RERG: variants seen among roughly 807,000 people sequenced by gnomAD.
RERG encodes the protein RAS like estrogen regulated growth inhibitor.
RERG carries 25 observed loss-of-function variants against 23.2 expected under a neutral mutation model. The ratio of observed to expected loss-of-function variants is 1.08; its 90% CI spans 0.79 to 1.50. The LOEUF is 1.50. Among genes scored for constraint, RERG ranks in the 40% most tolerant of loss-of-function variants. RERG has a pLI of 0.00. For missense variants in RERG, 253 were observed against 250.1 expected, an observed-to-expected ratio of 1.01 and a Z score of -0.08; for synonymous variants, 81 against 89.1, an observed-to-expected ratio of 0.91 and a Z score of 0.51.
intron 2 of RERG, chr12:15,137,813 T>G (rs1215420006): frequency 7.0e-6 from 3 of 431,072 alleles, no homozygotes; most frequent in South Asian, 5.0e-5. Context: ...TAAGAAAAAT[T>G]AAAGTTTTAA....
chr12:15,145,981 A>C (rs1372510180), intron 2 of RERG, among the ~76,000 whole-genome samples: 1 of 152,232 alleles, frequency 6.6e-6, no homozygotes, highest in Non-Finnish European at 1.5e-5. Context: ...TGCATAGATA[A>C]TGTGTTTACA....
intron 4 of RERG, among the ~76,000 whole-genome samples, chr12:15,110,064 T>G (rs544825001): frequency 1.3e-5 from 2 of 152,308 alleles, no homozygotes; most frequent in Admixed American, 6.5e-5. Context: ...TCCAACTCTA[T>G]GCTAAAGGAT....
At chr12:15,165,551 G>C (rs1395227153) in intron 2 of RERG, among the ~76,000 whole-genome samples, 1 of 152,150 alleles carries the variant, frequency 6.6e-6, no homozygotes, top group Non-Finnish European at 1.5e-5. Flanking sequence ...AGGTGGTATG[G>C]GTGGTGGTAA....
intron 2 of RERG, among the ~76,000 whole-genome samples, chr12:15,128,264 G>C (rs1863983281): frequency 6.6e-6 from 1 of 152,146 alleles, no homozygotes; most frequent in Non-Finnish European, 1.5e-5. Flanking sequence ...GAAGCAAGAA[G>C]AAAACTTTTA....
At chr12:15,166,499 A>ATGATGG (rs1331251799) in intron 2 of RERG, among the ~76,000 whole-genome samples, 1 of 150,450 alleles carries the variant, frequency 6.6e-6, no homozygotes, top group South Asian at 2.1e-4. Context: ...GATGATGATG[A>ATGATGG]TGGGGATGGT....
chr12:15,220,667 T>C (rs970636494), intron 1 of RERG, among the ~76,000 whole-genome samples: 1 of 152,194 alleles, frequency 6.6e-6, no homozygotes, highest in Non-Finnish European at 1.5e-5. Flanking sequence ...TTGGAACTTC[T>C]GTTTGCATGC....
At position 15,126,716 on chromosome 12, in the gene RERG, TTTTC is replaced by T. The variant is rs1224085397; in HGVS notation, c.62-5601_62-5598del. 6.6e-5 allele frequency among the ~76,000 whole-genome samples: 8 copies of T among 122,102 alleles called. No individual in the cohort carries two copies. The South Asian group carries it at 1.4e-3, about 21-fold the overall frequency. The allele number at this position is 122,102 out of a possible 152,430, so 80.1% of individuals were successfully genotyped here. On this transcript the variant is annotated intron_variant, in intron 2 of 4. Transcript: ENST00000256953. ...ATATCCAGATAGCATTTCTTTTTCTTTTTCTTTCTTTTTTTTTTTTTTTTGAGAC... is the reference window on the plus strand; with the variant it reads ...ATATCCAGATAGCATTTCTTTTTCTTTTTCTTTTTTTTTTTTTTTTGAGAC...
At chr12:15,137,025 T>C (rs1208447985) in intron 2 of RERG, among the ~76,000 whole-genome samples, 2 of 151,944 alleles carry the variant, frequency 1.3e-5, no homozygotes, top group East Asian at 3.8e-4. Flanking sequence ...TAATGGCGGA[T>C]TCGTCTATTT....
At chr12:15,124,623 T>C (rs1030413495) in intron 2 of RERG, among the ~76,000 whole-genome samples, 1 of 152,076 alleles carries the variant, frequency 6.6e-6, no homozygotes, top group Non-Finnish European at 1.5e-5. Flanking sequence ...ACAGTTGTGA[T>C]TGTTCTTTTC....
chr12:15,130,980 A>C (rs1025996011), intron 2 of RERG, among the ~76,000 whole-genome samples: 23 of 152,066 alleles, frequency 1.5e-4, no homozygotes, highest in African/African-American at 5.1e-4. Flanking sequence ...ATTTGGTTTT[A>C]GGCTGACACA....
intron 2 of RERG, among the ~76,000 whole-genome samples, chr12:15,133,413 G>A (rs1480249480): frequency 6.6e-6 from 1 of 151,796 alleles, no homozygotes; most frequent in African/African-American, 2.4e-5. Flanking sequence ...TTTTTTCATG[G>A]CTTGAGAGCT....
intron 2 of RERG, among the ~76,000 whole-genome samples, chr12:15,127,273 A>G (rs1345978773): frequency 1.3e-5 from 2 of 152,230 alleles, no homozygotes; most frequent in East Asian, 1.9e-4. Flanking sequence ...CACTTGACAC[A>G]TATGTGCCCA....
At chr12:15,212,445 G>A (rs916393381) in intron 2 of RERG, among the ~76,000 whole-genome samples, 3 of 152,120 alleles carry the variant, frequency 2.0e-5, no homozygotes, top group Non-Finnish European at 2.9e-5. Context: ...AGCAAACATA[G>A]ATATATTAGG....
intron 3 of RERG, among the ~76,000 whole-genome samples, chr12:15,115,657 G>A (rs1453711386): frequency 1.3e-5 from 2 of 152,044 alleles, no homozygotes; most frequent in Non-Finnish European, 2.9e-5. Flanking sequence ...AAACTCAGAA[G>A]TTTCTGTTGT....
rs1270581262 is a variant in RERG at position 15,142,668 on chromosome 12, T to A, written c.62-21549A>T. 3.9e-5 allele frequency among the ~76,000 whole-genome samples: 6 copies of A among 152,194 alleles called. No individual in the cohort carries two copies. The East Asian group carries it at 1.2e-3, about 29-fold the overall frequency. Reference sequence around the variant, plus strand: ...ATTTTTCTAGCATTTATCTGGATAATAATAATACTTTGGGTCTCAAGAAAG... The same window carrying A: ...ATTTTTCTAGCATTTATCTGGATAAAAATAATACTTTGGGTCTCAAGAAAG... On this transcript the variant is annotated intron_variant, in intron 2 of 4. Transcript: ENST00000256953.
chr12:15,195,583 G>C (rs1471154850), intron 2 of RERG, among the ~76,000 whole-genome samples: 1 of 150,776 alleles, frequency 6.6e-6, no homozygotes, highest in East Asian at 1.9e-4. Context: ...GTGTGTGTGT[G>C]TGTGTGTGTG....
In RERG at chr12:15,209,180, A is replaced by G. The variant is rs61742441; in HGVS notation, c.61+8249T>C. 7.4e-3 allele frequency among the ~76,000 whole-genome samples: 1,132 copies of G among 152,316 alleles called. 8 individuals carry two copies. The highest frequency in any genetic ancestry group is 0.025 in the African/African-American group (1,040 of 41,558). On this transcript the variant is annotated intron_variant, in intron 2 of 4. Coordinates refer to ENST00000256953, the MANE Select transcript of RERG (RefSeq NM_032918.3). The stretch of plus-strand genomic sequence containing the variant: ...TCTCCAAAGACAAATGTTAAGGAAC[A>G]TAAGGGGAAAAAATGGATGAAGATC...
At chr12:15,176,016 T>C (rs1305748705) in intron 2 of RERG, among the ~76,000 whole-genome samples, 1 of 152,222 alleles carries the variant, frequency 6.6e-6, no homozygotes, top group Non-Finnish European at 1.5e-5. Context: ...AGTTTTCAGA[T>C]TGTTACAAGA....
At chr12:15,140,796 G>C (rs546854030) in intron 2 of RERG, among the ~76,000 whole-genome samples, 1 of 152,114 alleles carries the variant, frequency 6.6e-6, no homozygotes, top group South Asian at 2.1e-4. Flanking sequence ...CTATAAGAAA[G>C]ATCTTCCCCC....
Sources: allele counts gnomAD v4.1 joint callset (sites outside exome capture counted in the v4.1 genomes callset), GRCh38; gene constraint gnomAD v4.1.1; transcripts MANE v1.5; gene names NCBI Gene and HGNC (gene_info 2026-07-23, HGNC 2026-07-21).